Variants in SLC6A12 observed in about 807,000 individuals in gnomAD.
The protein encoded by SLC6A12 is sodium- and chloride-dependent betaine transporter.
Under a neutral mutation model 73.3 loss-of-function variants are expected in SLC6A12, and 50 were observed. That is an observed-to-expected ratio of 0.68 (90% CI 0.54 to 0.86). The LOEUF (loss-of-function observed/expected upper bound fraction) is 0.86, where lower values mean the gene tolerates loss of function less well. Ranked by LOEUF, SLC6A12 falls within the 40% of genes least tolerant of loss-of-function variation. The probability of loss-of-function intolerance (pLI) is 0.00; values close to 1 mark genes in which losing one functional copy is unlikely to be tolerated. For synonymous variants in SLC6A12, 304 were observed against 309.2 expected (o/e 0.98, Z 0.18); for missense variants, 648 against 772.8 (o/e 0.84, Z 1.92).
chr12:201,452 A>G, intron 6 of SLC6A12: 1 of 322,122 alleles, frequency 3.1e-6, no homozygotes, highest in Non-Finnish European at 5.9e-6. Context: ...ATGCACACTC[A>G]GCTCCCCTAA....
At chr12:191,286 A>G (rs939554140) in intron 15 of SLC6A12, 75 bp from the exon 16 acceptor site, 48 of 1,219,382 alleles carry the variant, frequency 3.9e-5, no homozygotes, top group Non-Finnish European at 4.9e-5. Flanking sequence ...GTGCAACCCC[A>G]GGGCCCAGCC....
intron 6 of SLC6A12, among the ~76,000 whole-genome samples, chr12:201,000 T>A (rs216242): frequency 0.56 from 85,557 of 152,010 alleles, 25,256 homozygotes; most frequent in African/African-American, 0.75. Context: ...CATCCAGATT[T>A]TTTTTCTCGT....
intron 4 of SLC6A12, among the ~76,000 whole-genome samples, 169 bp from the exon 5 acceptor site, chr12:203,049 TTTTTC>T (rs1276658405): frequency 6.2e-4 from 91 of 145,998 alleles, no homozygotes; most frequent in African/African-American, 2.1e-3. Flanking sequence ...TTTTCTTTCT[TTTTTC>T]TTTTCTTTTT....
At chr12:208,339 T>C (rs1015555457) in intron 3 of SLC6A12, among the ~76,000 whole-genome samples, 11 of 152,126 alleles carry the variant, frequency 7.2e-5, no homozygotes, top group African/African-American at 1.2e-4. Flanking sequence ...TCTTAGGAGT[T>C]GTCAGTTCAA....
chr12:199,205 C>T (rs1475858202), intron 7 of SLC6A12: 1 of 497,454 alleles, frequency 2.0e-6, no homozygotes, highest in Non-Finnish European at 3.6e-6. Context: ...CAGCCCATAA[C>T]CTGTCCAAGA....
At chr12:187,460 TC>T (rs1174703822), downstream of SLC6A12, among the ~76,000 whole-genome samples, 8 of 151,608 alleles carry the variant, frequency 5.3e-5, no homozygotes, top group African/African-American at 1.9e-4. Flanking sequence ...AGTTTTTTTT[TC>T]CTCCCGATGG....
chr12:187,591 A>G (rs576658010), downstream of SLC6A12, among the ~76,000 whole-genome samples: 57 of 4,560 alleles, frequency 0.013, no homozygotes, highest in African/African-American at 0.016. Flanking sequence ...CAAAAGAGCA[A>G]AAAAAAAAAA....
chr12:206,005 T>A (rs1207616127), intron 3 of SLC6A12, among the ~76,000 whole-genome samples: 1 of 152,232 alleles, frequency 6.6e-6, no homozygotes, highest in Non-Finnish European at 1.5e-5. Flanking sequence ...CATTCCTTAG[T>A]ACAAATTACC....
chr12:200,702 G>T lies in SLC6A12; in HGVS notation c.660C>A (p.Ala220=). The T allele has an allele frequency of 6.2e-7, 1 of 1,614,194 alleles. No homozygotes were observed. ...AGATGCAGAAATAGCAGATGACCCAGGCGAGCAGGAGGCACAGGGCCAGCT... is the reference window on the plus strand; with the variant it reads ...AGATGCAGAAATAGCAGATGACCCATGCGAGCAGGAGGCACAGGGCCAGCT... The part of the protein sequence containing the change: ...RWELALCLLL[A]WVICYFCIWK... Residue 220 remains alanine, a synonymous_variant, in exon 7 of 16, where the codon GCC becomes GCA. Transcript: ENST00000684302.
Position 195,222 on chromosome 12 carries a change from C to A in SLC6A12, c.1429+3G>T, listed in dbSNP as rs376947499. The stretch of plus-strand genomic sequence containing the variant: ...CTTTCCCACCCCACTCCACCCCACT[C>A]ACCATACACCCAGCTTATGCAGACC... On this transcript the variant is annotated splice_donor_region_variant and intron_variant, in intron 13 of 15. Coordinates refer to ENST00000684302, the MANE Select transcript of SLC6A12 (RefSeq NM_001122848.3). 16 of 1,564,998 alleles carry A rather than the reference C, an allele frequency of 1.0e-5. No individual in the cohort carries two copies. The African/African-American group carries it at 2.2e-4, about 21-fold the overall frequency.
intron 2 of SLC6A12, chr12:210,290 G>A: frequency 8.4e-7 from 1 of 1,196,590 alleles, no homozygotes; most frequent in Non-Finnish European, 1.1e-6. Flanking sequence ...GTGGAACCGT[G>A]ATGAAAACTC....
chr12:207,343 T>C (rs2137198526), intron 3 of SLC6A12, among the ~76,000 whole-genome samples: 1 of 152,360 alleles, frequency 6.6e-6, no homozygotes, highest in East Asian at 1.9e-4. Context: ...CATTGTGCCT[T>C]ACCTCTGCTG....
At chr12:193,137 A>G in intron 14 of SLC6A12, 140 bp downstream of exon 14, 1 of 672,356 alleles carries the variant, frequency 1.5e-6, no homozygotes, top group East Asian at 2.5e-5. Flanking sequence ...AGGGAAGGCA[A>G]CATAGAACAG....
chr12:206,872 C>T (rs946003536), intron 3 of SLC6A12, among the ~76,000 whole-genome samples: 11 of 152,248 alleles, frequency 7.2e-5, no homozygotes, highest in African/African-American at 2.7e-4. Flanking sequence ...GTGTGGCCCA[C>T]GGGACTCCTT....
rs1459790157 is a variant in SLC6A12, at chr12:198,796, C to A, written c.846+1G>T. On this transcript the variant is annotated splice_donor_variant, in intron 8 of 15. Coordinates refer to ENST00000684302, the MANE Select transcript of SLC6A12 (RefSeq NM_001122848.3). LOFTEE classifies it high-confidence loss of function. This position sits in a 1 kb window ranked among gnomAD's most constrained non-coding sequence, Gnocchi z 4.0. ...GGAAGTGGTCCCAGCACGGTACATACCTGAGGGTCCTTGAGGCGGAACAAA... is the reference window on the plus strand; with the variant it reads ...GGAAGTGGTCCCAGCACGGTACATAACTGAGGGTCCTTGAGGCGGAACAAA... The A allele has an allele frequency of 1.9e-6, 3 of 1,614,032 alleles. No individual in the cohort carries two copies. Among genetic ancestry groups the A allele is most frequent in the Non-Finnish European group, 2.5e-6 (3 of 1,180,040 alleles).
chr12:187,628 AAAAC>A (rs1939459796), downstream of SLC6A12, among the ~76,000 whole-genome samples: 6 of 44,836 alleles, frequency 1.3e-4, no homozygotes, highest in African/African-American at 3.7e-4. Context: ...AAAAAAAAAA[AAAAC>A]AAACCACACA....
chr12:206,442 G>A (rs559334322), intron 3 of SLC6A12, among the ~76,000 whole-genome samples: 1 of 152,308 alleles, frequency 6.6e-6, no homozygotes, highest in South Asian at 2.1e-4. Context: ...CTATTCCCTT[G>A]TGTGAACCTA....
At chr12:187,551 CCAAA>C (rs1384670594), downstream of SLC6A12, among the ~76,000 whole-genome samples, 1 of 129,708 alleles carries the variant, frequency 7.7e-6, no homozygotes, top group Non-Finnish European at 1.6e-5. Flanking sequence ...CAGAGTAGAC[CCAAA>C]CAGTGAGCAG....
downstream of SLC6A12, among the ~76,000 whole-genome samples, chr12:187,270 C>T (rs753803561): frequency 6.6e-6 from 1 of 152,068 alleles, no homozygotes; most frequent in Non-Finnish European, 1.5e-5. Context: ...AGCATGAAGC[C>T]GCAGACCCTC....
Sources: gnomAD v4.1 joint callset for allele counts (sites outside exome capture counted in the v4.1 genomes callset) on GRCh38, gnomAD v4.1.1 for gene constraint, Gnocchi (gnomAD v3.1) non-coding constraint, MANE v1.5 for transcripts, NCBI Gene and HGNC (gene_info 2026-07-23, HGNC 2026-07-21) for gene names.